Variants in TPM1 observed in about 807,000 individuals in gnomAD.
The protein encoded by TPM1 is tropomyosin 1, also known as tropomyosin alpha-1 chain.
A neutral mutation model predicts 42.9 loss-of-function variants in TPM1; 24 were observed. The ratio of observed to expected loss-of-function variants is 0.56; its 90% CI spans 0.41 to 0.79. TPM1 has a LOEUF of 0.79. TPM1 is among the 30% of genes least tolerant of loss of function. TPM1 has a pLI of 0.00. For missense variants in TPM1, 158 were observed against 351.8 expected, an observed-to-expected ratio of 0.45 and a Z score of 4.41; for synonymous variants, 136 against 130.1, an observed-to-expected ratio of 1.05 and a Z score of -0.31.
At chr15:63,069,547 T>C (rs956411600), downstream of TPM1, among the ~76,000 whole-genome samples, 5 of 152,326 alleles carry the variant, frequency 3.3e-5, no homozygotes, top group South Asian at 6.2e-4. Context: ...AAACCATGTA[T>C]GGCTCAGCTC....
Position 63,062,295 on chromosome 15 carries a change from G to C in TPM1, c.702+18G>C. ...TGAAGGAGGTAATATGAGAGTTGTG[G>C]ATGAAGCCAACTGGATTTTAAATGA... On this transcript the variant is annotated intron_variant, in intron 7 of 9. Transcript: ENST00000403994. 6.2e-7 allele frequency: 1 copy of C among 1,612,482 alleles called. No individual in the cohort carries two copies.
chr15:63,068,267 G>A (rs1327753069), downstream of TPM1, among the ~76,000 whole-genome samples: 1 of 152,230 alleles, frequency 6.6e-6, no homozygotes, highest in Non-Finnish European at 1.5e-5. Flanking sequence ...GGGAGATAGA[G>A]GAGTGAAGCG....
chr15:63,065,104 A>G (rs1318319413), intron 9 of TPM1: 1 of 985,370 alleles, frequency 1.0e-6, no homozygotes, highest in Non-Finnish European at 1.2e-6. Flanking sequence ...GGGAAATTAA[A>G]CACAGATTGT....
Position 63,044,084 on chromosome 15 carries a change from GACAAAT to G in TPM1, c.175_180del (p.Lys59_Tyr60del). ...ACTCAAGGGCACCGAAGATGAACTG[GACAAAT>G]ACTCTGAGGCTCTCAAAGATGCCCA... On this transcript the variant is annotated inframe_deletion, in exon 2 of 10. Coordinates refer to ENST00000403994, the MANE Select transcript of TPM1 (RefSeq NM_001018005.2). The G allele has an allele frequency of 6.2e-7, 1 of 1,614,172 alleles. No individual in the cohort carries two copies. The highest frequency in any genetic ancestry group is 8.5e-7 in the Non-Finnish European group (1 of 1,180,034).
intron 1 of TPM1, chr15:63,043,240 G>A (rs2140606196): frequency 5.8e-6 from 3 of 521,398 alleles, no homozygotes; most frequent in African/African-American, 5.7e-5. Flanking sequence ...GAGGGAGGAG[G>A]ACACCCGGTT....
Position 63,061,722 on chromosome 15 carries a change from C to A in TPM1, c.573C>A (p.Ala191=). The A allele has an allele frequency of 6.2e-7, 1 of 1,614,004 alleles. No individual in the cohort carries two copies. The highest frequency in any genetic ancestry group is 1.1e-5 in the South Asian group (1 of 91,060). The change falls in exon 6 of 10, where the codon GCC becomes GCA. Residue 191 remains alanine, a synonymous_variant. Coordinates refer to ENST00000403994, the MANE Select transcript of TPM1 (RefSeq NM_001018005.2). ...ERAELSEGKC[A]ELEEELKTVT... ...TGATCGAAAACATTAGCAAATGTGC[C>A]GAGCTTGAAGAAGAATTGAAAACTG...
intron 2 of TPM1, chr15:63,046,860 C>T (rs1025200431): frequency 6.6e-6 from 1 of 152,312 alleles, no homozygotes; most frequent in East Asian, 1.9e-4. Context: ...GGGGATGCAA[C>T]CCAGGCGGCA....
chr15:63,063,551 T>C (rs2035929737), intron 8 of TPM1, among the ~76,000 whole-genome samples: 1 of 152,178 alleles, frequency 6.6e-6, no homozygotes, highest in Admixed American at 6.5e-5. Context: ...AGTGGTCTAG[T>C]GTGGTCAGGA....
intron 2 of TPM1, among the ~76,000 whole-genome samples, chr15:63,054,894 T>C (rs1198680765): frequency 6.6e-6 from 1 of 152,144 alleles, no homozygotes; most frequent in Non-Finnish European, 1.5e-5. Context: ...TTGTTTTTGC[T>C]TCCGCTTTGA....
At chr15:63,056,722 G>A in intron 2 of TPM1, 1 of 479,834 alleles carries the variant, frequency 2.1e-6, no homozygotes, top group Non-Finnish European at 3.8e-6. Context: ...CCATGTGAAA[G>A]AGCGTTTGCT....
At chr15:63,064,270 C>T in intron 9 of TPM1, 128 bp downstream of exon 9, 2 of 1,536,830 alleles carry the variant, frequency 1.3e-6, no homozygotes, top group Non-Finnish European at 1.8e-6. Flanking sequence ...TTGTCATAAC[C>T]TAGAATAGTC....
chr15:63,043,359 G>T, intron 1 of TPM1: 1 of 565,970 alleles, frequency 1.8e-6, no homozygotes. Flanking sequence ...TTAAACTTGG[G>T]GAGGAGAAGG....
chr15:63,060,713 A>G (rs1470765659), intron 4 of TPM1, among the ~76,000 whole-genome samples, 156 bp from the exon 5 acceptor site: 1 of 152,176 alleles, frequency 6.6e-6, no homozygotes, highest in Non-Finnish European at 1.5e-5. Context: ...CACTCCTAAT[A>G]GAGAGTTGCT....
intron 2 of TPM1, chr15:63,047,651 G>A (rs1413486455): frequency 6.6e-6 from 1 of 152,274 alleles, no homozygotes; most frequent in African/African-American, 2.4e-5. Flanking sequence ...TGAGCCCCAG[G>A]GAGGCTGGCC....
chr15:63,043,688 G>A lies in TPM1; in HGVS notation c.115-339G>A, dbSNP rs756175447. On this transcript the variant is annotated intron_variant, in intron 1 of 9. Transcript: ENST00000403994. ...CGGTCCGTGCCGGCCGCCCGCGCCC[G>A]CCCGCCGCTGCCCCCAGCTCGAGGA... The A allele has an allele frequency of 1.1e-5, 17 of 1,541,904 alleles. No homozygotes were observed. In the East Asian group the frequency reaches 3.7e-4, roughly 33 times the overall value.
At position 63,048,270 on chromosome 15, in the gene TPM1, C is replaced by G. The variant is rs140483658; in HGVS notation, c.240+4118C>G. 0.027 allele frequency: 15,775 copies of G among 575,146 alleles called. 331 individuals carry two copies. The highest frequency in any genetic ancestry group is 0.039 in the Non-Finnish European group (12,823 of 329,598). The allele number at this position is 575,146 out of a possible 1,614,324, so 35.6% of individuals were successfully genotyped here. A position where few individuals can be genotyped will look rare whatever the true frequency, so the allele number is the denominator to read the frequency against. On this transcript the variant is annotated intron_variant, in intron 2 of 9. Transcript: ENST00000403994. ...CGGAGCGCCCAGCTCACCAGGTACC[C>G]CCGCAGCGCGCCGGGAGCGCCTTTC...
chr15:63,062,716 A>C (rs569383169), intron 8 of TPM1, 71 bp downstream of exon 8: 2 of 1,611,780 alleles, frequency 1.2e-6, no homozygotes, highest in South Asian at 2.2e-5. Flanking sequence ...CAATTTTCCA[A>C]TTCAAGGGCA....
At chr15:63,043,781 C>A in intron 1 of TPM1, 1 of 1,549,924 alleles carries the variant, frequency 6.5e-7, no homozygotes. Context: ...GCTGGAGGAG[C>A]TGCACAAGGC....
At chr15:63,071,739 C>T (rs2036612689) in exon 9 of TPM1, 1 of 164,482 alleles carries the variant, frequency 6.1e-6, no homozygotes, top group African/African-American at 2.4e-5. Context: ...ACACGTGCAG[C>T]TCATGACAAT....
Sources: allele counts gnomAD v4.1 joint callset (sites outside exome capture counted in the v4.1 genomes callset), GRCh38; gene constraint gnomAD v4.1.1; transcripts MANE v1.5; gene names NCBI Gene and HGNC (gene_info 2026-07-23, HGNC 2026-07-21).